The following MAN2A2 variants were observed in gnomAD, a reference collection of about 807,000 sequenced individuals.
MAN2A2 encodes alpha-mannosidase 2x.
In MAN2A2, 79 loss-of-function variants were observed where a neutral mutation model predicts 126.8. That is an observed-to-expected ratio of 0.62 (90% CI 0.52 to 0.75). MAN2A2 has a LOEUF of 0.75. MAN2A2 is among the 30% of genes least tolerant of loss of function. The pLI, the probability that MAN2A2 is intolerant of heterozygous loss-of-function variation, is 0.00. For synonymous variants in MAN2A2, 671 were observed against 618.7 expected, an observed-to-expected ratio of 1.08 and a Z score of -1.25; for missense variants, 1,392 against 1,522.4, an observed-to-expected ratio of 0.91 and a Z score of 1.43.
At chr15:90,914,814 G>A (rs746662396) in intron 19 of MAN2A2, among the ~76,000 whole-genome samples, 3 of 152,162 alleles carry the variant, frequency 2.0e-5, no homozygotes, top group African/African-American at 4.8e-5. Context: ...CAACACGCCC[G>A]GCCAAGACTG....
Position 90,905,239 on chromosome 15 carries a change from GT to G in MAN2A2, c.133-6del. ...AGGAGCTGTGTGTGATTGCTTTCTG[GT>G]TTTTTGGCAGAGCCAAATTTCTGTG... On this transcript the variant is annotated splice_polypyrimidine_tract_variant and intron_variant, in intron 2 of 22. Coordinates refer to ENST00000559717, the MANE Select transcript of MAN2A2 (RefSeq NM_006122.4). 6.2e-7 allele frequency: 1 copy of G among 1,609,562 alleles called. No homozygotes were observed.
rs371723767 is a variant in MAN2A2, at chr15:90,916,146, C to T, written c.2884C>T (p.Arg962Trp). The T allele has an allele frequency of 1.7e-5, 27 of 1,613,972 alleles. No individual in the cohort carries two copies. The highest frequency in any genetic ancestry group is 1.9e-5 in the Non-Finnish European group (23 of 1,180,020). The change falls in exon 20 of 23, where the codon CGG becomes TGG. Residue 962 changes from arginine (R) to tryptophan (W), a missense_variant. Transcript: ENST00000559717. ...AGGCCAGCTGGAGGTGATCTTGGAC[C>T]GGCGGCTGATGCAGGATGACAACCG... Reference protein sequence around the residue: ...KDGQLEVILDRRLMQDDNRGL... With the variant: ...KDGQLEVILDWRLMQDDNRGL...
chr15:90,906,615 GC>G, intron 6 of MAN2A2, 118 bp downstream of exon 6: 1 of 1,566,458 alleles, frequency 6.4e-7, no homozygotes, highest in Non-Finnish European at 8.7e-7. Context: ...CACCATGTGG[GC>G]CTGGTGTGAT....
chr15:90,912,933 A>C lies in MAN2A2; in HGVS notation c.2526A>C (p.Ser842=), dbSNP rs933628764. ...GTGTCACTGAAGGCCCTTTCTTCTC[A>C]GAGGTGGTTGCGTACTATGAGCACA... ...VLRVTEGPFF[S]EVVAYYEHIH... is the part of the protein sequence containing the mutation. The change falls in exon 17 of 23, where the codon TCA becomes TCC. Residue 842 remains serine, a synonymous_variant. Transcript: ENST00000559717. 6 of 1,614,076 alleles carry C rather than the reference A, an allele frequency of 3.7e-6. No homozygotes were observed. Among genetic ancestry groups the C allele is most frequent in the Non-Finnish European group, 5.1e-6 (6 of 1,179,982 alleles).
rs754943138 is a variant in MAN2A2, at chr15:90,910,215, G to A, written c.1500G>A (p.Glu500=). 1 of 1,614,178 alleles carries A rather than the reference G, an allele frequency of 6.2e-7. No individual in the cohort carries two copies. The highest frequency in any genetic ancestry group is 1.3e-5 in the African/African-American group (1 of 75,026). Residue 500 remains glutamate (E), a synonymous_variant, in exon 10 of 23, where the codon GAG becomes GAA. Coordinates refer to ENST00000559717, the MANE Select transcript of MAN2A2 (RefSeq NM_006122.4). ...SGDFFSYADR[E]DHYWTGYYTS... ...ATTTCTTCTCCTATGCGGACCGGGA[G>A]GATCATTACTGGACAGGCTATTACA...
At chr15:90,911,351 C>T (rs2034719512) in intron 13 of MAN2A2, 34 bp from the exon 14 acceptor site, 2 of 1,613,202 alleles carry the variant, frequency 1.2e-6, no homozygotes, top group Admixed American at 1.7e-5. Context: ...TCGGAAGCAG[C>T]AGCCTCCTGG....
At chr15:90,913,899 A>T in intron 19 of MAN2A2, 144 bp downstream of exon 19, 3 of 1,147,216 alleles carry the variant, frequency 2.6e-6, no homozygotes, top group Non-Finnish European at 3.6e-6. Flanking sequence ...CAAGCCATTC[A>T]GAGCTCTTGG....
chr15:90,904,020 T>C, intron 1 of MAN2A2, 170 bp from the exon 2 acceptor site: 2 of 716,362 alleles, frequency 2.8e-6, no homozygotes, highest in South Asian at 3.0e-5. Context: ...GCGGCAGAGC[T>C]GCTACCAGGA....
intron 1 of MAN2A2, chr15:90,903,786 C>G: frequency 3.3e-6 from 1 of 307,500 alleles, no homozygotes; most frequent in Non-Finnish European, 6.4e-6. Context: ...TCCTATCAGT[C>G]TCTTTGGGTT....
chr15:90,904,408 C>CCCG, intron 2 of MAN2A2, 69 bp downstream of exon 2: 1 of 1,509,720 alleles, frequency 6.6e-7, no homozygotes, highest in Non-Finnish European at 8.9e-7. Flanking sequence ...CACCTCCCAC[C>CCCG]CCGCCGCCTC....
At chr15:90,918,946 G>A (rs748423470) in intron 22 of MAN2A2, among the ~76,000 whole-genome samples, 191 bp downstream of exon 22, 6 of 152,152 alleles carry the variant, frequency 3.9e-5, no homozygotes, top group Non-Finnish European at 5.9e-5. Context: ...AAGGTAGATC[G>A]CTTGAGAACT....
chr15:90,903,175 G>A (rs2033976153), upstream of MAN2A2: 1 of 152,432 alleles, frequency 6.6e-6, no homozygotes, highest in African/African-American at 2.4e-5. Context: ...AGCCGGGCGG[G>A]CGGCCAGAGA....
intron 20 of MAN2A2, chr15:90,916,697 G>C (rs2035213940): frequency 7.8e-7 from 1 of 1,280,590 alleles, no homozygotes; most frequent in African/African-American, 1.5e-5. Context: ...ACTAGTACGA[G>C]CAAGGTGTAG....
Position 90,919,802 on chromosome 15 carries a change from T to C in MAN2A2, c.*15T>C. The C allele has an allele frequency of 6.2e-7, 1 of 1,613,576 alleles. No homozygotes were observed. The highest frequency in any genetic ancestry group is 8.5e-7 in the Non-Finnish European group (1 of 1,179,592). ...GCTTGGGTTAGGGCTTCTTGTGGCC[T>C]GAAGAGAAAGTTCATTCACAGAGAC... On this transcript the variant is annotated 3_prime_UTR_variant, in exon 23 of 23. Transcript: ENST00000559717.
At position 90,910,202 on chromosome 15, in the gene MAN2A2, A is replaced by G; in HGVS notation, c.1487A>G (p.Tyr496Cys). 3 of 1,614,122 alleles carry G rather than the reference A, an allele frequency of 1.9e-6. No homozygotes were observed. Among genetic ancestry groups the G allele is most frequent in the Non-Finnish European group, 2.5e-6 (3 of 1,180,024 alleles). Reference protein sequence around the residue: ...FPVLSGDFFSYADREDHYWTG... With the variant: ...FPVLSGDFFSCADREDHYWTG... ...GTGCTGAGCGGGGATTTCTTCTCCT[A>G]TGCGGACCGGGAGGATCATTACTGG... The change falls in exon 10 of 23, where the codon TAT becomes TGT. Residue 496 changes from tyrosine (Y) to cysteine (C), a missense_variant. Tyr to Cys is a radical substitution (Grantham distance 194). Coordinates refer to ENST00000559717, the MANE Select transcript of MAN2A2 (RefSeq NM_006122.4).
chr15:90,921,251 T>C lies in MAN2A2; in HGVS notation c.*1464T>C, dbSNP rs1003336281. ...CTGTAAGTCAACCCAATGATACACA[T>C]CATGTTCCTGTCCACATACTGGTTT... On this transcript the variant is annotated 3_prime_UTR_variant, in exon 23 of 23. Coordinates refer to ENST00000559717, the MANE Select transcript of MAN2A2 (RefSeq NM_006122.4). 2 of 152,370 alleles carry C rather than the reference T, an allele frequency of 1.3e-5. No homozygotes were observed. Among genetic ancestry groups the C allele is most frequent in the African/African-American group, 4.8e-5 (2 of 41,598 alleles). The allele number at this position is 152,370 out of a possible 1,614,324, so 9.4% of individuals were successfully genotyped here.
rs1418137487 is a variant in MAN2A2, at chr15:90,907,332, T to A, written c.1033T>A (p.Phe345Ile). ...AGACTCGGACTCCAGCACAGACATC[T>A]TCTGTCACATGATGCCCTTCTACAG... ...TWDSDSSTDI[F>I]CHMMPFYSYD... is the part of the protein sequence containing the mutation. Residue 345 changes from phenylalanine (F) to isoleucine (I), a missense_variant, in exon 8 of 23, where the codon TTC becomes ATC. By Grantham distance (21) the Phe-to-Ile change is conservative. Coordinates refer to ENST00000559717, the MANE Select transcript of MAN2A2 (RefSeq NM_006122.4). 5 of 1,613,926 alleles carry A rather than the reference T, an allele frequency of 3.1e-6. No individual in the cohort carries two copies. Among genetic ancestry groups the A allele is most frequent in the East Asian group, 2.2e-5 (1 of 44,898 alleles).
chr15:90,919,710 C>T lies in MAN2A2; in HGVS notation c.3376C>T (p.Leu1126=). 2.5e-6 allele frequency: 4 copies of T among 1,614,262 alleles called. No individual in the cohort carries two copies. The highest frequency in any genetic ancestry group is 3.4e-6 in the Non-Finnish European group (4 of 1,180,046). ...QPTSLTLLYP[L]ASPSNSTDVY... Reference sequence around the variant, plus strand: ...AACCTCCTTGACGTTACTGTACCCTCTGGCCTCCCCGTCCAACAGCACTGA... The same window carrying T: ...AACCTCCTTGACGTTACTGTACCCTTTGGCCTCCCCGTCCAACAGCACTGA... Residue 1126 remains leucine, a synonymous_variant, in exon 23 of 23, where the codon CTG becomes TTG. Transcript: ENST00000559717.
At chr15:90,916,655 C>T (rs1481475440) in intron 20 of MAN2A2, 127 of 1,295,038 alleles carry the variant, frequency 9.8e-5, no homozygotes, top group South Asian at 3.1e-4. Flanking sequence ...GAGCGGTAAC[C>T]GAGAGGTAAG....
Sources: allele counts gnomAD v4.1 joint callset (sites outside exome capture counted in the v4.1 genomes callset), GRCh38; gene constraint gnomAD v4.1.1; transcripts MANE v1.5; gene names NCBI Gene and HGNC (gene_info 2026-07-23, HGNC 2026-07-21).